ADGRB3: variants seen among roughly 807,000 people sequenced by gnomAD.
ADGRB3 encodes adhesion G protein-coupled receptor B3, also known as brain-specific angiogenesis inhibitor 3.
Under a neutral mutation model 193.4 loss-of-function variants are expected in ADGRB3, and 37 were observed. The ratio of observed to expected loss-of-function variants is 0.19; its 90% CI spans 0.15 to 0.25. The LOEUF (loss-of-function observed/expected upper bound fraction) is 0.25. Ranked by LOEUF, ADGRB3 falls within the 10% of genes least tolerant of loss-of-function variation. The pLI, the probability that ADGRB3 is intolerant of heterozygous loss-of-function variation, is 1.00. For synonymous variants in ADGRB3, 690 were observed against 644.2 expected (o/e 1.07, Z -1.08); for missense variants, 1,637 against 1,852.9 (o/e 0.88, Z 2.14).
At chr6:69,052,380 A>G (rs1771424313) in intron 15 of ADGRB3, among the ~76,000 whole-genome samples, 1 of 152,214 alleles carries the variant, frequency 6.6e-6, no homozygotes, top group African/African-American at 2.4e-5. Context: ...AAAAAGTACA[A>G]ATTCATTCTA....
intron 3 of ADGRB3, among the ~76,000 whole-genome samples, chr6:68,904,531 A>T (rs1030315004): frequency 6.6e-6 from 1 of 152,182 alleles, no homozygotes; most frequent in African/African-American, 2.4e-5. Context: ...GTTTTTAGAA[A>T]CATTACATAT....
At chr6:69,371,443 G>A (rs1253302994) in intron 29 of ADGRB3, among the ~76,000 whole-genome samples, 2 of 151,910 alleles carry the variant, frequency 1.3e-5, no homozygotes, top group Admixed American at 6.6e-5. Context: ...ATGGGAGCAC[G>A]GGAAAAATAA....
At chr6:69,257,605 G>T (rs1188027930) in intron 20 of ADGRB3, among the ~76,000 whole-genome samples, 4 of 152,156 alleles carry the variant, frequency 2.6e-5, no homozygotes, top group African/African-American at 9.7e-5. Context: ...CTGCTAGAAA[G>T]TGATGATAAA....
intron 3 of ADGRB3, among the ~76,000 whole-genome samples, chr6:68,918,834 T>C (rs938068650): frequency 6.6e-6 from 1 of 152,194 alleles, no homozygotes; most frequent in Non-Finnish European, 1.5e-5. Context: ...GTATCTCTAA[T>C]GCAGGTTAAG....
intron 3 of ADGRB3, among the ~76,000 whole-genome samples, chr6:68,658,692 A>C (rs554907371): frequency 1.3e-4 from 19 of 151,424 alleles, no homozygotes; most frequent in African/African-American, 4.3e-4. Flanking sequence ...ATATAAGTTT[A>C]GTCTATGTTT....
intron 3 of ADGRB3, among the ~76,000 whole-genome samples, chr6:68,775,866 T>A (rs1766737317): frequency 6.6e-6 from 1 of 152,166 alleles, no homozygotes; most frequent in Admixed American, 6.6e-5. Context: ...TTCTTTCTTT[T>A]TTAGAAAAAC....
intron 20 of ADGRB3, among the ~76,000 whole-genome samples, chr6:69,297,743 C>T (rs1582614592): frequency 6.6e-6 from 1 of 151,828 alleles, no homozygotes; most frequent in East Asian, 1.9e-4. Flanking sequence ...AAAAAAGCAC[C>T]TATAGTTGCA....
chr6:69,179,802 C>T (rs1301282414), intron 17 of ADGRB3, among the ~76,000 whole-genome samples: 1 of 152,162 alleles, frequency 6.6e-6, no homozygotes, highest in Non-Finnish European at 1.5e-5. Flanking sequence ...TGCAGTTTGA[C>T]TTACAAGCCA....
At chr6:69,042,429 T>C (rs1454005287) in intron 13 of ADGRB3, among the ~76,000 whole-genome samples, 1 of 152,232 alleles carries the variant, frequency 6.6e-6, no homozygotes, top group Non-Finnish European at 1.5e-5. Context: ...AAGCGTTCAA[T>C]AGATGTTAGC....
intron 3 of ADGRB3, among the ~76,000 whole-genome samples, chr6:68,642,096 CTT>C (rs1337967175): frequency 6.6e-6 from 1 of 152,022 alleles, no homozygotes; most frequent in Non-Finnish European, 1.5e-5. Context: ...AAGGTTGTCT[CTT>C]AAGTCAGCAG....
intron 17 of ADGRB3, among the ~76,000 whole-genome samples, chr6:69,191,382 A>G (rs906923129): frequency 1.3e-5 from 2 of 152,186 alleles, no homozygotes; most frequent in African/African-American, 2.4e-5. Flanking sequence ...TATTTTGGCA[A>G]ACACACCAAT....
chr6:69,026,561 C>A (rs1370215842), intron 13 of ADGRB3, among the ~76,000 whole-genome samples: 2 of 152,144 alleles, frequency 1.3e-5, no homozygotes, highest in African/African-American at 4.8e-5. Flanking sequence ...GAAAGGAATG[C>A]AAAATGCTTA....
chr6:68,976,996 T>G (rs1768769568), intron 10 of ADGRB3, among the ~76,000 whole-genome samples: 1 of 149,294 alleles, frequency 6.7e-6, no homozygotes, highest in East Asian at 1.9e-4. Flanking sequence ...TATATTTATA[T>G]ATCATATAAT....
intron 3 of ADGRB3, among the ~76,000 whole-genome samples, chr6:68,640,052 C>T (rs930353990): frequency 6.6e-6 from 1 of 152,194 alleles, no homozygotes; most frequent in African/African-American, 2.4e-5. Context: ...AAATCTCGCA[C>T]GCTTGCTCTT....
At chr6:69,366,867 T>C (rs952458046) in intron 29 of ADGRB3, among the ~76,000 whole-genome samples, 1 of 152,128 alleles carries the variant, frequency 6.6e-6, no homozygotes, top group Non-Finnish European at 1.5e-5. Context: ...ATGTCTCCTA[T>C]TGTGCCATGC....
intron 12 of ADGRB3, among the ~76,000 whole-genome samples, chr6:69,014,971 G>T (rs1052629621): frequency 1.3e-5 from 2 of 151,816 alleles, no homozygotes; most frequent in South Asian, 2.1e-4. Context: ...CCAGTGTGGG[G>T]CTGCCTCATT....
intron 3 of ADGRB3, among the ~76,000 whole-genome samples, chr6:68,727,933 T>C (rs1404313161): frequency 6.6e-6 from 1 of 151,592 alleles, no homozygotes; most frequent in Non-Finnish European, 1.5e-5. Context: ...GAGATGACTG[T>C]TGAACTTTTA....
intron 28 of ADGRB3, among the ~76,000 whole-genome samples, chr6:69,358,488 T>G (rs1192779732): frequency 6.6e-6 from 1 of 151,978 alleles, no homozygotes; most frequent in Non-Finnish European, 1.5e-5. Context: ...AGTGCCATTA[T>G]TTTATTAGAA....
At chr6:68,995,870 A>T (rs1021812058) in intron 11 of ADGRB3, among the ~76,000 whole-genome samples, 1 of 151,920 alleles carries the variant, frequency 6.6e-6, no homozygotes, top group Non-Finnish European at 1.5e-5. Flanking sequence ...TCTGAAAATG[A>T]TTTTTCTCTT....
Sources: gnomAD v4.1 joint callset for allele counts (sites outside exome capture counted in the v4.1 genomes callset) on GRCh38, gnomAD v4.1.1 for gene constraint, MANE v1.5 for transcripts, NCBI Gene and HGNC (gene_info 2026-07-23, HGNC 2026-07-21) for gene names.